DAOA: variants seen among roughly 807,000 people sequenced by gnomAD.
The protein encoded by DAOA is D-amino acid oxidase activator.
DAOA carries 15 observed loss-of-function variants against 16.4 expected under a neutral mutation model. The ratio of observed to expected loss-of-function variants is 0.91; its 90% confidence interval spans 0.61 to 1.41. DAOA has a LOEUF of 1.41. DAOA is among the 40% of genes most tolerant of loss of function. The pLI, the probability that DAOA is intolerant of heterozygous loss-of-function variation, is 0.00. For synonymous variants in DAOA, 75 were observed against 59.1 expected (o/e 1.27, Z -1.23); for missense variants, 230 against 176.8 (o/e 1.30, Z -1.71).
chr13:105,473,322 T>C (rs1230268284), intron 4 of DAOA, among the ~76,000 whole-genome samples: 1 of 152,136 alleles, frequency 6.6e-6, no homozygotes, highest in African/African-American at 2.4e-5. Flanking sequence ...TGATAATTAT[T>C]TAATTATGTG....
intron 4 of DAOA, among the ~76,000 whole-genome samples, chr13:105,479,230 A>G (rs2139188502): frequency 6.6e-6 from 1 of 152,298 alleles, no homozygotes; most frequent in East Asian, 1.9e-4. Context: ...ATTTTTGCCA[A>G]TCACAATAAA....
At position 105,476,927 on chromosome 13, in the gene DAOA, C is replaced by T. The variant is rs552524083; in HGVS notation, c.281+4242C>T. ...AGGGGCTCCTGTCAGCACCCATGAG[C>T]GTTTTCATAGCCCTCTGCAGCTTAC... On this transcript the variant is annotated intron_variant, in intron 4 of 5. Transcript: ENST00000375936. Among the ~76,000 whole-genome samples, 348 of 152,186 alleles carry T rather than the reference C, an allele frequency of 2.3e-3. 1 individual carries two copies. Among genetic ancestry groups the T allele is most frequent in the Non-Finnish European group, 4.4e-3 (299 of 68,006 alleles).
chr13:105,478,195 G>GT (rs1031163742), intron 4 of DAOA, among the ~76,000 whole-genome samples: 2 of 152,096 alleles, frequency 1.3e-5, no homozygotes, highest in African/African-American at 4.8e-5. Context: ...AAAAATGATT[G>GT]TTTTTTACAC....
chr13:105,470,755 A>G (rs1876874132), intron 3 of DAOA, among the ~76,000 whole-genome samples: 1 of 151,536 alleles, frequency 6.6e-6, no homozygotes, highest in South Asian at 2.1e-4. Context: ...GACTACAGGC[A>G]CACACCACCA....
chr13:105,481,258 T>C lies in DAOA; in HGVS notation c.281+8573T>C, dbSNP rs185158725. Among the ~76,000 whole-genome samples the C allele has an allele frequency of 1.7e-4, 26 of 152,260 alleles. No homozygotes were observed. In the East Asian group the frequency reaches 5.0e-3, roughly 29 times the overall value. On this transcript the variant is annotated intron_variant, in intron 4 of 5. Transcript: ENST00000375936. ...ACCTGTGAAAATAGTTGAACTAAAG[T>C]ATTTCATTTATTACTCCCAAGAAGT...
At chr13:105,474,982 C>T in intron 4 of DAOA, 5 of 984,662 alleles carry the variant, frequency 5.1e-6, no homozygotes, top group Non-Finnish European at 6.0e-6. Context: ...TCTAGACATT[C>T]CAAGGTGATT....
chr13:105,467,341 T>C (rs186273712), intron 3 of DAOA, among the ~76,000 whole-genome samples, 200 bp downstream of exon 3: 5 of 152,310 alleles, frequency 3.3e-5, no homozygotes, highest in South Asian at 2.1e-4. Flanking sequence ...CACTTACAGT[T>C]CAAACAGTGC....
At chr13:105,478,918 T>C (rs1877522620) in intron 4 of DAOA, among the ~76,000 whole-genome samples, 1 of 152,186 alleles carries the variant, frequency 6.6e-6, no homozygotes. Flanking sequence ...ACTAACCCAC[T>C]CTTGTCTACT....
At chr13:105,487,264 T>C (rs1430061554) in intron 4 of DAOA, among the ~76,000 whole-genome samples, 2 of 152,196 alleles carry the variant, frequency 1.3e-5, no homozygotes, top group Non-Finnish European at 2.9e-5. Flanking sequence ...TGACTCCTCA[T>C]GGTGCACTCC....
At chr13:105,478,115 A>G (rs2139186408) in intron 4 of DAOA, among the ~76,000 whole-genome samples, 1 of 152,354 alleles carries the variant, frequency 6.6e-6, no homozygotes, top group Middle Eastern at 3.4e-3. Flanking sequence ...TTTAAGCCAA[A>G]GCAGCCTATA....
intron 4 of DAOA, among the ~76,000 whole-genome samples, chr13:105,474,160 AT>A (rs1877182667): frequency 1.3e-5 from 2 of 152,220 alleles, no homozygotes; most frequent in Middle Eastern, 3.4e-3. Context: ...TAATGAAATT[AT>A]TTATTTATAC....
In DAOA at chr13:105,490,185, AAC is replaced by A; in HGVS notation, c.*107_*108del. Reference sequence around the variant, plus strand: ...ACTCTGTGTCTGGGACCCAGCTGATAACACGTGGTAATATGTTTTATAAAATT... The same window carrying A: ...ACTCTGTGTCTGGGACCCAGCTGATAACGTGGTAATATGTTTTATAAAATT... On this transcript the variant is annotated 3_prime_UTR_variant, in exon 5 of 6. Transcript: ENST00000375936. 7.7e-7 allele frequency: 1 copy of A among 1,290,900 alleles called. No individual in the cohort carries two copies. The highest frequency in any genetic ancestry group is 1.0e-6 in the Non-Finnish European group (1 of 1,000,820). The allele number at this position is 1,290,900 out of a possible 1,614,324, so 80.0% of individuals were successfully genotyped here.
intron 3 of DAOA, among the ~76,000 whole-genome samples, 154 bp downstream of exon 3, chr13:105,467,295 G>A (rs1254541763): frequency 6.6e-6 from 1 of 152,190 alleles, no homozygotes; most frequent in Non-Finnish European, 1.5e-5. Flanking sequence ...CAGTTAAAAT[G>A]TACCTCTTGG....
At chr13:105,483,031 C>T (rs567540513) in intron 4 of DAOA, among the ~76,000 whole-genome samples, 2 of 152,094 alleles carry the variant, frequency 1.3e-5, no homozygotes, top group Non-Finnish European at 1.5e-5. Flanking sequence ...CTCCTCTTTT[C>T]TTTATCTACC....
upstream of DAOA, chr13:105,466,002 A>G (rs563825917): frequency 6.6e-5 from 22 of 335,180 alleles, no homozygotes; most frequent in Non-Finnish European, 7.5e-5. Flanking sequence ...TAACATTTTC[A>G]TTTCTTAAAA....
In DAOA at chr13:105,472,679, A is replaced by G. The variant is rs1877052806; in HGVS notation, c.275A>G (p.Tyr92Cys). 4 of 1,612,124 alleles carry G rather than the reference A, an allele frequency of 2.5e-6. No individual in the cohort carries two copies. Among genetic ancestry groups the G allele is most frequent in the Non-Finnish European group, 3.4e-6 (4 of 1,179,166 alleles). Residue 92 changes from tyrosine to cysteine, a missense_variant, in exon 4 of 6, where the codon TAT becomes TGT. Physicochemically the swap from Tyr to Cys is radical, Grantham distance 194. Transcript: ENST00000375936. Reference sequence around the variant, plus strand: ...TGGGTCTCTTACCTTCCTCAGCCCTATGCAGAGTATGTATCTTCTTCATTT... The same window carrying G: ...TGGGTCTCTTACCTTCCTCAGCCCTGTGCAGAGTATGTATCTTCTTCATTT... ...CPWVSYLPQP[Y>C]AELEEVSSHV...
intron 2 of DAOA, 112 bp downstream of exon 2, chr13:105,466,444 T>C: frequency 6.4e-7 from 1 of 1,562,678 alleles, no homozygotes; most frequent in Non-Finnish European, 8.7e-7. Flanking sequence ...GTGGAACATG[T>C]CAGGGTTGGA....
intron 4 of DAOA, among the ~76,000 whole-genome samples, chr13:105,476,022 G>C (rs946229631): frequency 6.6e-6 from 1 of 152,190 alleles, no homozygotes; most frequent in Admixed American, 6.5e-5. Flanking sequence ...TATGATAGGG[G>C]AGAGGACTAT....
At chr13:105,482,906 T>C (rs1221053247) in intron 4 of DAOA, among the ~76,000 whole-genome samples, 1 of 152,142 alleles carries the variant, frequency 6.6e-6, no homozygotes, top group Non-Finnish European at 1.5e-5. Context: ...TGTACATATT[T>C]AAAATGTATA....
Sources: allele counts gnomAD v4.1 joint callset (sites outside exome capture counted in the v4.1 genomes callset), GRCh38; gene constraint gnomAD v4.1.1; transcripts MANE v1.5; gene names NCBI Gene and HGNC (gene_info 2026-07-23, HGNC 2026-07-21).